UBE2W: variants seen among roughly 807,000 people sequenced by gnomAD.
UBE2W encodes the protein ubiquitin-conjugating enzyme E2 W.
UBE2W carries 18 observed loss-of-function variants against 27.2 expected under a neutral mutation model. That is an observed-to-expected ratio of 0.66 (90% CI 0.46 to 0.98). The LOEUF (loss-of-function observed/expected upper bound fraction) is 0.98. Ranked by LOEUF, UBE2W falls within the 50% of genes least tolerant of loss-of-function variation. The probability of loss-of-function intolerance (pLI) is 0.00; values close to 1 mark genes in which losing one functional copy is unlikely to be tolerated. For synonymous variants in UBE2W, 53 were observed against 57.2 expected (o/e 0.93, Z 0.33); for missense variants, 90 against 180.2 (o/e 0.50, Z 2.87).
Position 73,789,125 on chromosome 8 carries a change from T to A in UBE2W, c.*4977A>T. On this transcript the variant is annotated 3_prime_UTR_variant, in exon 6 of 6. Coordinates refer to ENST00000602593, the MANE Select transcript of UBE2W (RefSeq NM_018299.6). ...GATAGAGAGCTAAGTTTCAAGTACATGTCTAGATTCTATGTGCCTCTAATG... is the reference window on the plus strand; with the variant it reads ...GATAGAGAGCTAAGTTTCAAGTACAAGTCTAGATTCTATGTGCCTCTAATG... 9 of 984,964 alleles carry A rather than the reference T, an allele frequency of 9.1e-6. No individual in the cohort carries two copies. Among genetic ancestry groups the A allele is most frequent in the Non-Finnish European group, 1.1e-5 (9 of 829,836 alleles). 61.0% of individuals were successfully genotyped at this position (984,964 alleles called of 1,614,324 possible).
At chr8:73,819,843 T>C (rs1347536731) in intron 3 of UBE2W, among the ~76,000 whole-genome samples, 1 of 152,254 alleles carries the variant, frequency 6.6e-6, no homozygotes. Context: ...GTGACAGTCT[T>C]ACTGATCTCA....
intron 1 of UBE2W, among the ~76,000 whole-genome samples, chr8:73,851,663 AAGAC>A (rs750103060): frequency 4.3e-4 from 66 of 152,154 alleles, no homozygotes; most frequent in Admixed American, 8.5e-4. Context: ...GAAGGCAGGA[AAGAC>A]AGGCTGAAAA....
intron 1 of UBE2W, among the ~76,000 whole-genome samples, chr8:73,874,702 A>G (rs1414633631): frequency 6.6e-6 from 1 of 152,268 alleles, no homozygotes; most frequent in Non-Finnish European, 1.5e-5. Flanking sequence ...AATTACCAAA[A>G]TTAAATGTAG....
At chr8:73,841,306 C>T (rs1201015319) in intron 1 of UBE2W, among the ~76,000 whole-genome samples, 1 of 151,814 alleles carries the variant, frequency 6.6e-6, no homozygotes, top group Non-Finnish European at 1.5e-5. Flanking sequence ...TTTTTTAAAA[C>T]AGAACTAAAC....
chr8:73,828,320 G>A (rs1254211992), intron 2 of UBE2W, among the ~76,000 whole-genome samples: 1 of 152,076 alleles, frequency 6.6e-6, no homozygotes, highest in Non-Finnish European at 1.5e-5. Context: ...ATACCAGTAA[G>A]GTCTTCCTAA....
At chr8:73,857,278 A>T (rs1466215656) in intron 1 of UBE2W, among the ~76,000 whole-genome samples, 2 of 152,206 alleles carry the variant, frequency 1.3e-5, no homozygotes, top group Non-Finnish European at 2.9e-5. Context: ...TTCTTACAGG[A>T]AGATTTTCTA....
downstream of UBE2W, among the ~76,000 whole-genome samples, chr8:73,785,740 C>T (rs1237222792): frequency 1.3e-5 from 2 of 151,970 alleles, no homozygotes; most frequent in Non-Finnish European, 2.9e-5. Context: ...TACAGGCGCC[C>T]ACCACCACGC....
intron 1 of UBE2W, among the ~76,000 whole-genome samples, chr8:73,834,847 T>C (rs1810240842): frequency 6.6e-6 from 1 of 152,154 alleles, no homozygotes; most frequent in African/African-American, 2.4e-5. Flanking sequence ...AGGCGGAGGT[T>C]GCAGTGAGCC....
Position 73,793,658 on chromosome 8 carries a change from AACCAGT to A in UBE2W, c.*438_*443del. The A allele has an allele frequency of 1.0e-6, 1 of 987,650 alleles. No homozygotes were observed. The highest frequency in any genetic ancestry group is 1.2e-6 in the Non-Finnish European group (1 of 831,296). The allele number at this position is 987,650 out of a possible 1,614,324, so 61.2% of individuals were successfully genotyped here. On this transcript the variant is annotated 3_prime_UTR_variant, in exon 6 of 6. Coordinates refer to ENST00000602593, the MANE Select transcript of UBE2W (RefSeq NM_018299.6). ...CTCACTTTATTTATATTCCCACTAT[AACCAGT>A]AAGTTCATTTCATAGGCCCTATCAT...
At chr8:73,873,134 C>T (rs1812075943) in intron 1 of UBE2W, among the ~76,000 whole-genome samples, 1 of 152,122 alleles carries the variant, frequency 6.6e-6, no homozygotes, top group Admixed American at 6.6e-5. Flanking sequence ...GTCTCGATCT[C>T]CTGACCTCAG....
chr8:73,805,916 G>A (rs1808884355), intron 4 of UBE2W, among the ~76,000 whole-genome samples, 190 bp from the exon 5 acceptor site: 1 of 152,230 alleles, frequency 6.6e-6, no homozygotes, highest in East Asian at 1.9e-4. Flanking sequence ...ATTTAAAAAA[G>A]GAATAATAAG....
chr8:73,852,595 T>G (rs1399254859), intron 1 of UBE2W, among the ~76,000 whole-genome samples: 1 of 152,244 alleles, frequency 6.6e-6, no homozygotes, highest in Non-Finnish European at 1.5e-5. Flanking sequence ...AATAAATTTT[T>G]TTTCTTGTAA....
intron 2 of UBE2W, among the ~76,000 whole-genome samples, chr8:73,827,152 T>C (rs1809874536): frequency 6.6e-6 from 1 of 152,162 alleles, no homozygotes; most frequent in South Asian, 2.1e-4. Context: ...TTGTAATATC[T>C]GCATGACATG....
intron 3 of UBE2W, among the ~76,000 whole-genome samples, chr8:73,817,507 G>A (rs767060037): frequency 1.3e-5 from 2 of 152,056 alleles, no homozygotes; most frequent in Non-Finnish European, 2.9e-5. Flanking sequence ...CTAAGCTTGA[G>A]GACTTCAGAG....
chr8:73,785,505 T>C (rs938771388), downstream of UBE2W, among the ~76,000 whole-genome samples: 1 of 152,166 alleles, frequency 6.6e-6, no homozygotes, highest in Non-Finnish European at 1.5e-5. Flanking sequence ...CACAGATCCA[T>C]TGCCTAATGC....
At chr8:73,816,695 T>G (rs1347794838) in intron 3 of UBE2W, among the ~76,000 whole-genome samples, 1 of 152,202 alleles carries the variant, frequency 6.6e-6, no homozygotes, top group African/African-American at 2.4e-5. Context: ...ATTTTCCCTA[T>G]TTCTAAAATA....
intron 1 of UBE2W, among the ~76,000 whole-genome samples, chr8:73,864,751 G>T (rs2086519): frequency 0.36 from 2,284 of 6,320 alleles, 140 homozygotes; most frequent in Middle Eastern, 0.56. Context: ...AAATTTTTTT[G>T]GGGGGGGGGG....
intron 1 of UBE2W, among the ~76,000 whole-genome samples, chr8:73,854,372 C>T (rs550080715): frequency 1.2e-4 from 18 of 152,170 alleles, no homozygotes; most frequent in Admixed American, 5.9e-4. Context: ...AAGGCAGCTT[C>T]CAGAGCTTTT....
intron 5 of UBE2W, among the ~76,000 whole-genome samples, chr8:73,802,464 A>C (rs549904771): frequency 1.5e-3 from 203 of 136,580 alleles, no homozygotes; most frequent in Non-Finnish European, 2.1e-3. Context: ...ATAGTGCTTT[A>C]AAGTTAAAGA....
Sources: gnomAD v4.1 joint callset for allele counts (sites outside exome capture counted in the v4.1 genomes callset) on GRCh38, gnomAD v4.1.1 for gene constraint, MANE v1.5 for transcripts, NCBI Gene and HGNC (gene_info 2026-07-23, HGNC 2026-07-21) for gene names.